Variants in PSG5 observed in about 807,000 individuals in gnomAD.
PSG5 encodes pregnancy-specific beta-1-glycoprotein 5.
Under a neutral mutation model 37.7 loss-of-function variants are expected in PSG5, and 53 were observed. The ratio of observed to expected loss-of-function variants is 1.41; its 90% CI spans 1.13 to 1.77. The LOEUF (loss-of-function observed/expected upper bound fraction) is 1.77, where lower values mean the gene tolerates loss of function less well. Ranked by LOEUF, PSG5 falls within the 40% of genes most tolerant of loss-of-function variation. PSG5 has a pLI of 0.00. For synonymous variants in PSG5, 221 were observed against 155.4 expected, an observed-to-expected ratio of 1.42 and a Z score of -3.14; for missense variants, 547 against 405.2, an observed-to-expected ratio of 1.35 and a Z score of -3.00.
chr19:43,171,537 A>T, intron 4 of PSG5: 2 of 346,374 alleles, frequency 5.8e-6, no homozygotes, highest in Non-Finnish European at 1.0e-5. Context: ...GGACATAAAT[A>T]AAATGGAGAA....
At chr19:43,175,716 C>T (rs1599747597) in intron 3 of PSG5, 154 bp downstream of exon 3, 1 of 1,466,414 alleles carries the variant, frequency 6.8e-7, no homozygotes, top group East Asian at 2.3e-5. Flanking sequence ...GCTGTGCCTA[C>T]CTAGGTTTTC....
chr19:43,173,242 G>T (rs774495233), intron 4 of PSG5, among the ~76,000 whole-genome samples: 1 of 151,640 alleles, frequency 6.6e-6, no homozygotes, highest in African/African-American at 2.4e-5. Flanking sequence ...AGATCTAAAT[G>T]TAAGAGTAAA....
At chr19:43,180,403 C>T (rs915166905) in intron 2 of PSG5, 4 of 151,506 alleles carry the variant, frequency 2.6e-5, no homozygotes, top group African/African-American at 9.7e-5. Context: ...GGTTTAGCAT[C>T]CCAAATCTGA....
chr19:43,186,010 A>C (rs775172049), intron 1 of PSG5, among the ~76,000 whole-genome samples: 39 of 149,042 alleles, frequency 2.6e-4, no homozygotes, highest in Non-Finnish European at 5.2e-4. Flanking sequence ...AGAGTCTCGT[A>C]CTGTCACCCA....
chr19:43,170,548 T>A, intron 4 of PSG5: 1 of 408,482 alleles, frequency 2.4e-6, no homozygotes, highest in Non-Finnish European at 4.8e-6. Context: ...AAGGCCCACG[T>A]CCGTGCATTT....
chr19:43,178,575 C>G (rs1308094302), intron 2 of PSG5, among the ~76,000 whole-genome samples: 1 of 151,736 alleles, frequency 6.6e-6, no homozygotes, highest in South Asian at 2.1e-4. Context: ...AGCCAAGTCG[C>G]AACACTGAAG....
chr19:43,185,442 C>CA (rs1257943840), intron 1 of PSG5, among the ~76,000 whole-genome samples: 4 of 140,786 alleles, frequency 2.8e-5, no homozygotes, highest in African/African-American at 1.1e-4. Context: ...CCCCCCCCCC[C>CA]ACACTGCCCT....
chr19:43,175,233 T>C lies in PSG5; in HGVS notation c.946A>G (p.Met316Val). The C allele has an allele frequency of 1.2e-6, 2 of 1,612,630 alleles. No homozygotes were observed. The highest frequency in any genetic ancestry group is 2.2e-5 in the South Asian group (2 of 91,046). ...CACTTACCAGAGACTTCGACTGTCATGGATTTGGAGCTTTCCTTGCCAGTA... is the reference window on the plus strand; with the variant it reads ...CACTTACCAGAGACTTCGACTGTCACGGATTTGGAGCTTTCCTTGCCAGTA... ...SATGKESSKS[M>V]TVEVSAPSGI... The change falls in exon 4 of 6, where the codon ATG (methionine) becomes GTG (valine). Residue 316 changes from methionine to valine, a missense_variant. Transcript: ENST00000342951.
At chr19:43,179,915 G>T (rs1489804521) in intron 2 of PSG5, among the ~76,000 whole-genome samples, 1 of 151,780 alleles carries the variant, frequency 6.6e-6, no homozygotes, top group South Asian at 2.1e-4. Context: ...TCCCCTTGTA[G>T]AGGGCAGGTG....
intron 2 of PSG5, among the ~76,000 whole-genome samples, chr19:43,181,700 G>A (rs1007396719): frequency 2.0e-5 from 3 of 151,696 alleles, no homozygotes; most frequent in Admixed American, 6.6e-5. Flanking sequence ...CCTTGTGCCC[G>A]CCTCGGCCTC....
chr19:43,169,991 T>A, intron 5 of PSG5, 64 bp downstream of exon 5: 25 of 1,052,014 alleles, frequency 2.4e-5, no homozygotes, highest in Non-Finnish European at 3.6e-5. Context: ...AATAAGTCTT[T>A]TCCCTCTCCC....
intron 2 of PSG5, among the ~76,000 whole-genome samples, chr19:43,182,347 A>T (rs1482723926): frequency 6.6e-6 from 1 of 151,714 alleles, no homozygotes; most frequent in Non-Finnish European, 1.5e-5. Flanking sequence ...GCTCCTATAG[A>T]TAACATCACT....
In PSG5 at chr19:43,170,097, A is replaced by C. The variant is rs199535184; in HGVS notation, c.1006T>G (p.Ter336GluextTer3). Residue 336 changes from the stop codon to glutamate (E), a stop_lost, in exon 5 of 6, where the codon TAG (stop) becomes GAG (glutamate). Coordinates refer to ENST00000342951, the MANE Select transcript of PSG5 (RefSeq NM_002781.4). ...ATACAGAAATGACTTCACGGCTGCT[A>C]TATTGGATTAAGGAGAGGAAGACGT... ...IGRLPLLNPI[*>E] 1.3e-6 allele frequency: 2 copies of C among 1,581,736 alleles called. No homozygotes were observed. Among genetic ancestry groups the C allele is most frequent in the Non-Finnish European group, 1.7e-6 (2 of 1,155,900 alleles).
chr19:43,185,311 A>G (rs999077663), intron 1 of PSG5, among the ~76,000 whole-genome samples, 164 bp from the exon 2 acceptor site: 14 of 150,876 alleles, frequency 9.3e-5, no homozygotes, highest in Admixed American at 2.6e-4. Context: ...GTGTGTGTGT[A>G]TGTGTGTGTG....
chr19:43,182,703 T>A (rs954394591), intron 2 of PSG5, among the ~76,000 whole-genome samples: 1 of 108,758 alleles, frequency 9.2e-6, no homozygotes, highest in Admixed American at 9.2e-5. Flanking sequence ...AACATTTCAA[T>A]AATTTTTTTT....
chr19:43,181,889 A>C (rs1212074447), intron 2 of PSG5, among the ~76,000 whole-genome samples: 2 of 151,754 alleles, frequency 1.3e-5, no homozygotes, highest in African/African-American at 4.9e-5. Context: ...TGACAGGAGA[A>C]TGTGAGCTCC....
At position 43,169,348 on chromosome 19, in the gene PSG5, C is replaced by G. The variant is rs1011451547; in HGVS notation, c.*40+707G>C. Among the ~76,000 whole-genome samples, 6 of 151,640 alleles carry G rather than the reference C, an allele frequency of 4.0e-5. No homozygotes were observed. In the East Asian group the frequency reaches 5.8e-4, roughly 15 times the overall value. On this transcript the variant is annotated intron_variant, in intron 5 of 5. Coordinates refer to ENST00000342951, the MANE Select transcript of PSG5 (RefSeq NM_002781.4). ...GGTTCACATGTTAATCCTAAAGTCT[C>G]CGTTCTCCATGAGGTCAGATGTTGC...
chr19:43,174,880 A>T (rs1968971952), intron 4 of PSG5: 1 of 1,184,650 alleles, frequency 8.4e-7, no homozygotes, highest in African/African-American at 1.6e-5. Context: ...GACATGGCAG[A>T]AGGGGATGTG....
chr19:43,184,671 G>A, intron 2 of PSG5, 111 bp downstream of exon 2: 1 of 1,563,022 alleles, frequency 6.4e-7, no homozygotes, highest in African/African-American at 1.4e-5. Context: ...CGCAGCATGG[G>A]ACATAATGCA....
Sources: gnomAD v4.1 joint callset for allele counts (sites outside exome capture counted in the v4.1 genomes callset) on GRCh38, gnomAD v4.1.1 for gene constraint, MANE v1.5 for transcripts, NCBI Gene and HGNC (gene_info 2026-07-23, HGNC 2026-07-21) for gene names.